ZC3H7B: variants seen among roughly 807,000 people sequenced by gnomAD.
ZC3H7B encodes the protein zinc finger CCCH domain-containing protein 7B.
ZC3H7B carries 35 observed loss-of-function variants against 116.0 expected under a neutral mutation model. The ratio of observed to expected loss-of-function variants is 0.30; its 90% CI spans 0.23 to 0.40. The LOEUF (loss-of-function observed/expected upper bound fraction) is 0.40, where lower values mean the gene tolerates loss of function less well. ZC3H7B is among the 10% of genes least tolerant of loss of function. The probability of loss-of-function intolerance (pLI) is 1.00; values close to 1 mark genes in which losing one functional copy is unlikely to be tolerated. For synonymous variants in ZC3H7B, 502 were observed against 545.6 expected (o/e 0.92, Z 1.11); for missense variants, 1,011 against 1,321.5 (o/e 0.77, Z 3.64).
chr22:41,328,175 A>G (rs5996019), intron 5 of ZC3H7B, among the ~76,000 whole-genome samples: 5,857 of 152,008 alleles, frequency 0.039, 361 homozygotes, highest in African/African-American at 0.13. Context: ...CCCCTGACCC[A>G]TATAGCATTT....
intron 2 of ZC3H7B, among the ~76,000 whole-genome samples, chr22:41,323,649 C>G (rs531523339): frequency 6.6e-6 from 1 of 152,358 alleles, no homozygotes; most frequent in East Asian, 1.9e-4. Context: ...CTTTTCACAT[C>G]AGTCCCGCTA....
chr22:41,322,130 C>T (rs953482735), intron 2 of ZC3H7B, among the ~76,000 whole-genome samples: 5 of 151,400 alleles, frequency 3.3e-5, no homozygotes, highest in Non-Finnish European at 5.9e-5. Context: ...TGAGCCACCG[C>T]GCCCGGCCAA....
intron 4 of ZC3H7B, among the ~76,000 whole-genome samples, chr22:41,326,556 T>C (rs888291505): frequency 6.6e-6 from 1 of 152,022 alleles, no homozygotes; most frequent in African/African-American, 2.4e-5. Context: ...AGCCTCAGCC[T>C]CCTCACTGTT....
intron 1 of ZC3H7B, among the ~76,000 whole-genome samples, chr22:41,305,294 G>A (rs879698508): frequency 3.3e-5 from 5 of 150,820 alleles, no homozygotes; most frequent in Non-Finnish European, 5.9e-5. Context: ...GCAGTGAGCC[G>A]AGCGCTCCAC....
rs2036468871 is a variant in ZC3H7B at position 41,338,068 on chromosome 22, A to G, written c.583-245A>G. 1.3e-5 allele frequency among the ~76,000 whole-genome samples: 2 copies of G among 152,042 alleles called. No individual in the cohort carries two copies. Among genetic ancestry groups the G allele is most frequent in the South Asian group, 2.1e-4 (1 of 4,828 alleles). On this transcript the variant is annotated intron_variant, in intron 7 of 22. Coordinates refer to ENST00000352645, the MANE Select transcript of ZC3H7B (RefSeq NM_017590.6). The surrounding 1 kb of genome is among the most constrained non-coding windows in gnomAD (Gnocchi z 4.5). ...TTTTTAGTAGAGATGAGGTTTCACC[A>G]TGTTGGCCATGCTGGTCTTGAATTT...
intron 1 of ZC3H7B, among the ~76,000 whole-genome samples, chr22:41,304,848 G>A (rs1267887642): frequency 6.6e-6 from 1 of 152,184 alleles, no homozygotes; most frequent in African/African-American, 2.4e-5. Flanking sequence ...CCCAGCCCAA[G>A]GTCAATCTGC....
chr22:41,331,072 T>C (rs1312937197), intron 6 of ZC3H7B, among the ~76,000 whole-genome samples: 1 of 143,562 alleles, frequency 7.0e-6, no homozygotes, highest in African/African-American at 2.5e-5. Context: ...GGTTTCACCG[T>C]GGTCTCGATC....
intron 1 of ZC3H7B, among the ~76,000 whole-genome samples, chr22:41,308,768 G>A (rs995527220): frequency 6.6e-6 from 1 of 152,144 alleles, no homozygotes; most frequent in African/African-American, 2.4e-5. Flanking sequence ...GACCAGCCTC[G>A]CCTGCCCCTT....
chr22:41,345,586 A>G (rs2036574061), intron 13 of ZC3H7B, among the ~76,000 whole-genome samples: 1 of 150,658 alleles, frequency 6.6e-6, no homozygotes, highest in South Asian at 2.1e-4. Flanking sequence ...ACTCCATCTC[A>G]AAAAAAAAAT....
chr22:41,352,686 C>T (rs936724790), intron 17 of ZC3H7B, among the ~76,000 whole-genome samples: 12 of 151,510 alleles, frequency 7.9e-5, no homozygotes, highest in Admixed American at 3.3e-4. Context: ...CGTGTGAACC[C>T]GGGAGGTGGA....
chr22:41,316,202 A>G (rs2036181343), intron 1 of ZC3H7B, among the ~76,000 whole-genome samples: 2 of 152,088 alleles, frequency 1.3e-5, no homozygotes, highest in Non-Finnish European at 2.9e-5. Flanking sequence ...CATGTTGGTC[A>G]GGCTGGTCTC....
chr22:41,332,237 G>A lies in ZC3H7B; in HGVS notation c.582+10G>A, dbSNP rs1252382312. The A allele has an allele frequency of 1.2e-6, 2 of 1,614,124 alleles. No individual in the cohort carries two copies. Among genetic ancestry groups the A allele is most frequent in the Non-Finnish European group, 8.5e-7 (1 of 1,179,998 alleles). On this transcript the variant is annotated intron_variant, in intron 7 of 22. Coordinates refer to ENST00000352645, the MANE Select transcript of ZC3H7B (RefSeq NM_017590.6). Reference sequence around the variant, plus strand: ...TGGCGTGGCAGATCAGGTAGGATCGGGGCTGAACCAACCTGTCTCAGTTTA... The same window carrying A: ...TGGCGTGGCAGATCAGGTAGGATCGAGGCTGAACCAACCTGTCTCAGTTTA...
At chr22:41,313,115 G>T (rs1262072949) in intron 1 of ZC3H7B, among the ~76,000 whole-genome samples, 1 of 151,912 alleles carries the variant, frequency 6.6e-6, no homozygotes, top group African/African-American at 2.4e-5. Context: ...GTAATGTTTT[G>T]GGTCAGACTT....
intron 7 of ZC3H7B, chr22:41,334,434 A>T (rs548353937): frequency 6.6e-6 from 1 of 152,362 alleles, no homozygotes; most frequent in African/African-American, 2.4e-5. Flanking sequence ...ATGACCACAG[A>T]TGGTGCCATA....
Position 41,346,122 on chromosome 22 carries a change from G to C in ZC3H7B, c.1579G>C (p.Asp527His). ...CACCCTCAACCGCGACCTGCTCTTC[G>C]ACCCGCTGGGGGGTGTTAAGCGCGG... ...KGTLNRDLLFDPLGGVKRGSL... is the reference protein window; with the variant it reads ...KGTLNRDLLFHPLGGVKRGSL... Residue 527 changes from aspartate (D) to histidine (H), a missense_variant, in exon 14 of 23, where the codon GAC becomes CAC. By Grantham distance (81) the Asp-to-His change is moderately conservative (BLOSUM62 -1). Transcript: ENST00000352645. The surrounding 1 kb of genome is among the most constrained non-coding windows in gnomAD (Gnocchi z 5.3). 1 of 1,613,554 alleles carries C rather than the reference G, an allele frequency of 6.2e-7. No individual in the cohort carries two copies. Among genetic ancestry groups the C allele is most frequent in the Non-Finnish European group, 8.5e-7 (1 of 1,180,024 alleles).
rs779440583 is a variant in ZC3H7B at position 41,351,625 on chromosome 22, G to A, written c.2013G>A (p.Ala671=). 64 of 1,613,776 alleles carry A rather than the reference G, an allele frequency of 4.0e-5. No individual in the cohort carries two copies. The highest frequency in any genetic ancestry group is 1.1e-4 in the East Asian group (5 of 44,892). The change falls in exon 17 of 23, where the codon GCG becomes GCA. Residue 671 remains alanine, a synonymous_variant. Transcript: ENST00000352645. The surrounding 1 kb of genome is among the most constrained non-coding windows in gnomAD (Gnocchi z 5.1). The part of the protein sequence containing the change: ...KKYWQQMEAH[A]GKASSSMGAP... ...ACTGGCAGCAGATGGAGGCGCATGC[G>A]GGGAAGGCCAGCAGCAGCATGGTAA...
Position 41,349,302 on chromosome 22 carries a change from G to A in ZC3H7B, c.1948+1G>A, listed in dbSNP as rs1379544806. 1 of 1,613,270 alleles carries A rather than the reference G, an allele frequency of 6.2e-7. No individual in the cohort carries two copies. The highest frequency in any genetic ancestry group is 8.5e-7 in the Non-Finnish European group (1 of 1,179,754). On this transcript the variant is annotated splice_donor_variant, in intron 16 of 22. Coordinates refer to ENST00000352645, the MANE Select transcript of ZC3H7B (RefSeq NM_017590.6). LOFTEE classifies it high-confidence loss of function. The surrounding 1 kb of genome is among the most constrained non-coding windows in gnomAD (Gnocchi z 4.9). Reference sequence around the variant, plus strand: ...GTCTGGCTGCTGCAGCAGTACTCAGGTGAGGGGCAGGCGGTGCAGGTGGAG... The same window carrying A: ...GTCTGGCTGCTGCAGCAGTACTCAGATGAGGGGCAGGCGGTGCAGGTGGAG...
In ZC3H7B at chr22:41,338,256, G is replaced by A. The variant is rs1162581079; in HGVS notation, c.583-57G>A. The A allele has an allele frequency of 6.3e-7, 1 of 1,578,692 alleles. No homozygotes were observed. Among genetic ancestry groups the A allele is most frequent in the Non-Finnish European group, 8.6e-7 (1 of 1,156,248 alleles). ...AGTCACGTGGGGAGGGGCTGGTGCT[G>A]GGTGCTGGGATCGGGGCCTTCCCAG... On this transcript the variant is annotated intron_variant, in intron 7 of 22. Coordinates refer to ENST00000352645, the MANE Select transcript of ZC3H7B (RefSeq NM_017590.6). This position sits in a 1 kb window ranked among gnomAD's most constrained non-coding sequence, Gnocchi z 4.5.
intron 1 of ZC3H7B, among the ~76,000 whole-genome samples, chr22:41,318,866 G>A (rs1347194187): frequency 2.6e-5 from 4 of 152,082 alleles, no homozygotes; most frequent in African/African-American, 7.2e-5. Flanking sequence ...CACCAACAAG[G>A]CATCTCCCTC....
Sources: gnomAD v4.1 joint callset for allele counts (sites outside exome capture counted in the v4.1 genomes callset) on GRCh38, gnomAD v4.1.1 for gene constraint, Gnocchi (gnomAD v3.1) non-coding constraint, MANE v1.5 for transcripts, NCBI Gene and HGNC (gene_info 2026-07-23, HGNC 2026-07-21) for gene names.